Variants in C1QTNF4 observed in about 807,000 individuals in gnomAD.
C1QTNF4 encodes C1q and TNF related 4.
In C1QTNF4, 12 loss-of-function variants were observed where a neutral mutation model predicts 14.6. The observed-to-expected ratio is 0.82, with a 90% confidence interval of 0.53 to 1.33. The LOEUF (loss-of-function observed/expected upper bound fraction) is 1.33, where lower values mean the gene tolerates loss of function less well. Ranked by LOEUF, C1QTNF4 falls within the 40% of genes most tolerant of loss-of-function variation. C1QTNF4 has a pLI of 0.00. For missense variants in C1QTNF4, 558 were observed against 500.3 expected (o/e 1.12, Z -1.10); for synonymous variants, 278 against 246.6 (o/e 1.13, Z -1.19).
intron 1 of C1QTNF4, among the ~76,000 whole-genome samples, chr11:47,591,677 C>T (rs1393589006): frequency 1.3e-5 from 2 of 152,194 alleles, no homozygotes; most frequent in African/African-American, 2.4e-5. Flanking sequence ...CGTGAGCCAC[C>T]GCGCCCGGCC....
intron 1 of C1QTNF4, among the ~76,000 whole-genome samples, chr11:47,591,924 G>A (rs1387230021): frequency 6.6e-6 from 1 of 152,186 alleles, no homozygotes; most frequent in African/African-American, 2.4e-5. Flanking sequence ...CTGGCTCTCT[G>A]TGTCAACGCT....
intron 1 of C1QTNF4, among the ~76,000 whole-genome samples, chr11:47,592,842 G>A (rs757353445): frequency 3.3e-5 from 5 of 152,190 alleles, no homozygotes; most frequent in African/African-American, 4.8e-5. Context: ...AGCACCTGGC[G>A]TAAAGTATGC....
In C1QTNF4 at chr11:47,589,710, C is replaced by T; in HGVS notation, c.*111G>A. ...GCGTGCCCGCTTTCCGCTTTATTGGCAGAGTCCAGGCGCGCCCGGAGGCCG... is the reference window on the plus strand; with the variant it reads ...GCGTGCCCGCTTTCCGCTTTATTGGTAGAGTCCAGGCGCGCCCGGAGGCCG... On this transcript the variant is annotated 3_prime_UTR_variant, in exon 2 of 2. Coordinates refer to ENST00000302514, the MANE Select transcript of C1QTNF4 (RefSeq NM_031909.3). 5.5e-6 allele frequency: 6 copies of T among 1,081,550 alleles called. No individual in the cohort carries two copies. The highest frequency in any genetic ancestry group is 7.5e-6 in the Non-Finnish European group (6 of 796,746). 67.0% of individuals were successfully genotyped at this position (1,081,550 alleles called of 1,614,324 possible). A position where few individuals can be genotyped will look rare whatever the true frequency, so the allele number is the denominator to read the frequency against.
In C1QTNF4 at chr11:47,590,058, G is replaced by T; in HGVS notation, c.753C>A (p.Arg251=). The T allele has an allele frequency of 3.7e-6, 6 of 1,612,794 alleles. No individual in the cohort carries two copies. The highest frequency in any genetic ancestry group is 5.1e-6 in the Non-Finnish European group (6 of 1,179,202). The change falls in exon 2 of 2, where the codon CGC becomes CGA. Residue 251 remains arginine, a synonymous_variant. Coordinates refer to ENST00000302514, the MANE Select transcript of C1QTNF4 (RefSeq NM_031909.3). ...KTLSVKLMKN[R]DEVQAMIYDD... is the part of the protein sequence containing the mutation. ...CGTAAATCATGGCCTGCACCTCGTC[G>T]CGGTTCTTCATCAGCTTAACCGACA...
chr11:47,590,924 C>G, intron 1 of C1QTNF4, 109 bp from the exon 2 acceptor site: 1 of 1,411,870 alleles, frequency 7.1e-7, no homozygotes, highest in Non-Finnish European at 9.2e-7. Flanking sequence ...GCCCTTGACC[C>G]ACAAGTAGGT....
Position 47,589,788 on chromosome 11 carries a change from C to G in C1QTNF4, c.*33G>C, listed in dbSNP as rs367675181. On this transcript the variant is annotated 3_prime_UTR_variant, in exon 2 of 2. Transcript: ENST00000302514. ...CCGGCCCGGCCTGGCATGCACGCCC[C>G]TGGCCCTCCCGGGCTCTTCTCTGGC... is the stretch of plus-strand genomic sequence containing the variant. 4 of 1,474,252 alleles carry G rather than the reference C, an allele frequency of 2.7e-6. No homozygotes were observed. In the Admixed American group the frequency reaches 8.0e-5, roughly 29 times the overall value. The allele number at this position is 1,474,252 out of a possible 1,614,324, so 91.3% of individuals were successfully genotyped here.
At chr11:47,592,841 C>T (rs964540020) in intron 1 of C1QTNF4, among the ~76,000 whole-genome samples, 2 of 152,156 alleles carry the variant, frequency 1.3e-5, no homozygotes, top group Admixed American at 6.6e-5. Context: ...CAGCACCTGG[C>T]GTAAAGTATG....
Position 47,590,725 on chromosome 11 carries a change from C to G in C1QTNF4, c.86G>C (p.Arg29Pro). ...PTPGPGSSEL[R>P]SAFSAARTTP... ...GGTGCGTGCCGCCGAGAAGGCCGAG[C>G]GCAGCTCAGAGGATCCCGGGCCGGG... The change falls in exon 2 of 2, where the codon CGC (arginine) becomes CCC (proline). Residue 29 changes from arginine to proline, a missense_variant. Coordinates refer to ENST00000302514, the MANE Select transcript of C1QTNF4 (RefSeq NM_031909.3). The G allele has an allele frequency of 4.3e-6, 7 of 1,609,768 alleles. No individual in the cohort carries two copies. The highest frequency in any genetic ancestry group is 5.9e-6 in the Non-Finnish European group (7 of 1,178,784).
At position 47,590,237 on chromosome 11, in the gene C1QTNF4, C is replaced by T; in HGVS notation, c.574G>A (p.Ala192Thr). Residue 192 changes from alanine (A) to threonine (T), a missense_variant, in exon 2 of 2, where the codon GCT (alanine) becomes ACT (threonine). Ala to Thr is a moderately conservative substitution (Grantham distance 58, BLOSUM62 0). Transcript: ENST00000302514. ...GGTTGGTGCCGCGGCCCGGGGCCAGCGTCCGAGCCCACCAAGCTGCGCGTG... is the reference window on the plus strand; with the variant it reads ...GGTTGGTGCCGCGGCCCGGGGCCAGTGTCCGAGCCCACCAAGCTGCGCGTG... ...ARTRSLVGSDAGPGPRHQPLA... is the reference protein window; with the variant it reads ...ARTRSLVGSDTGPGPRHQPLA... The T allele has an allele frequency of 6.7e-7, 1 of 1,502,670 alleles. No individual in the cohort carries two copies. 93.1% of individuals were successfully genotyped at this position (1,502,670 alleles called of 1,614,324 possible). A position where few individuals can be genotyped will look rare whatever the true frequency, so the allele number is the denominator to read the frequency against.
chr11:47,595,287 A>C (rs572666785), upstream of C1QTNF4, among the ~76,000 whole-genome samples: 167 of 152,240 alleles, frequency 1.1e-3, no homozygotes, highest in African/African-American at 4.0e-3. Flanking sequence ...ACTGCCTGGC[A>C]CTCAGTAGAT....
At position 47,592,383 on chromosome 11, in the gene C1QTNF4, C is replaced by T. The variant is rs149336296; in HGVS notation, c.-5-1568G>A. On this transcript the variant is annotated intron_variant, in intron 1 of 1. Coordinates refer to ENST00000302514, the MANE Select transcript of C1QTNF4 (RefSeq NM_031909.3). ...ATGGGGAAGAGACCTCACACACAGG[C>T]TTGCTGTGGGGGTGTGCTGAGATAG... Among the ~76,000 whole-genome samples the T allele has an allele frequency of 4.9e-3, 749 of 152,308 alleles. 8 individuals are homozygous for T. The highest frequency in any genetic ancestry group is 0.017 in the African/African-American group (726 of 41,552).
chr11:47,593,345 G>A (rs2097276520), intron 1 of C1QTNF4, among the ~76,000 whole-genome samples: 1 of 152,208 alleles, frequency 6.6e-6, no homozygotes, highest in South Asian at 2.1e-4. Flanking sequence ...AAGACAGAAA[G>A]CAAAACCAAA....
At chr11:47,593,172 C>G (rs1446051528) in intron 1 of C1QTNF4, among the ~76,000 whole-genome samples, 1 of 152,208 alleles carries the variant, frequency 6.6e-6, no homozygotes, top group African/African-American at 2.4e-5. Flanking sequence ...CAAGGTCACC[C>G]ATGGAGCACT....
In C1QTNF4 at chr11:47,590,568, C is replaced by T. The variant is rs781609630; in HGVS notation, c.243G>A (p.Thr81=). ...RVPGAYFFSF[T]AGKAPHKSLS... ...GGCTCTTGTGCGGGGCCTTGCCAGC[C>T]GTGAAGGAGAAGAAGTAGGCGCCGG... The change falls in exon 2 of 2, where the codon ACG becomes ACA. Residue 81 remains threonine, a synonymous_variant. Transcript: ENST00000302514. The T allele has an allele frequency of 2.5e-6, 4 of 1,603,648 alleles. No homozygotes were observed. The highest frequency in any genetic ancestry group is 2.3e-5 in the East Asian group (1 of 44,248).
chr11:47,594,499 C>G (rs2097277214), upstream of C1QTNF4: 1 of 152,538 alleles, frequency 6.6e-6, no homozygotes, highest in Non-Finnish European at 1.5e-5. Flanking sequence ...ACGGAGTCTG[C>G]GCCGAGCACT....
In C1QTNF4 at chr11:47,590,299, G is replaced by A; in HGVS notation, c.512C>T (p.Ala171Val). The change falls in exon 2 of 2, where the codon GCG becomes GTG. Residue 171 changes from alanine to valine, a missense_variant. Transcript: ENST00000302514. ...DADAPARGPPAPPEPRSAFSA... is the reference protein window; with the variant it reads ...DADAPARGPPVPPEPRSAFSA... The stretch of plus-strand genomic sequence containing the variant: ...GAAGGCCGAGCGCGGCTCGGGGGGC[G>A]CGGGCGGCCCGCGCGCAGGCGCGTC... 8.6e-7 allele frequency: 1 copy of A among 1,162,006 alleles called. No homozygotes were observed. The highest frequency in any genetic ancestry group is 1.1e-6 in the Non-Finnish European group (1 of 941,628). The allele number at this position is 1,162,006 out of a possible 1,614,324, so 72.0% of individuals were successfully genotyped here.
In C1QTNF4 at chr11:47,592,766, G is replaced by A. The variant is rs957289535; in HGVS notation, c.-6+1382C>T. Among the ~76,000 whole-genome samples, 9 of 152,304 alleles carry A rather than the reference G, an allele frequency of 5.9e-5. No homozygotes were observed. In the South Asian group the frequency reaches 8.3e-4, roughly 14 times the overall value. On this transcript the variant is annotated intron_variant, in intron 1 of 1. Transcript: ENST00000302514. ...GAGACAGCAGGGACCTGCTGAGAAG[G>A]GTTGTCAGGTGTAGATGTGCAGAAC...
chr11:47,593,282 T>G (rs1351362391), intron 1 of C1QTNF4, among the ~76,000 whole-genome samples: 1 of 152,198 alleles, frequency 6.6e-6, no homozygotes, highest in Non-Finnish European at 1.5e-5. Context: ...TTTACCTTTT[T>G]GCAAAACTAG....
intron 1 of C1QTNF4, among the ~76,000 whole-genome samples, chr11:47,592,042 G>C (rs2097275949): frequency 6.6e-6 from 1 of 152,176 alleles, no homozygotes; most frequent in South Asian, 2.1e-4. Flanking sequence ...GAGGAGGCGA[G>C]AACAGTTGGG....
Sources: gnomAD v4.1 joint callset for allele counts (sites outside exome capture counted in the v4.1 genomes callset) on GRCh38, gnomAD v4.1.1 for gene constraint, MANE v1.5 for transcripts, NCBI Gene and HGNC (gene_info 2026-07-23, HGNC 2026-07-21) for gene names.